FBXO40: variants seen among roughly 807,000 people sequenced by gnomAD.
FBXO40 encodes F-box protein 40, also known as F-box only protein 40.
In FBXO40, 50 loss-of-function variants were observed where a neutral mutation model predicts 49.9. The ratio of observed to expected loss-of-function variants is 1.00; its 90% confidence interval spans 0.80 to 1.27. FBXO40 has a LOEUF of 1.27. Ranked by LOEUF, FBXO40 falls within the 50% of genes most tolerant of loss-of-function variation. FBXO40 has a pLI of 0.00. For synonymous variants in FBXO40, 340 were observed against 320.2 expected (o/e 1.06, Z -0.66); for missense variants, 895 against 870.1 (o/e 1.03, Z -0.36).
chr3:121,624,008 G>C lies in FBXO40; in HGVS notation c.1914+665G>C, dbSNP rs543226838. ...TGGCCTTTTTTTTTTTTTTTTTTCT[G>C]AGATGGAGTTTTGCTCTTGTTGCCC... On this transcript the variant is annotated intron_variant, in intron 3 of 3. Coordinates refer to ENST00000338040, the MANE Select transcript of FBXO40 (RefSeq NM_016298.4). Among the ~76,000 whole-genome samples the C allele has an allele frequency of 4.2e-5, 3 of 71,826 alleles. No individual in the cohort carries two copies. The South Asian group carries it at 1.1e-3, about 27-fold the overall frequency. 47.1% of individuals were successfully genotyped at this position (71,826 alleles called of 152,430 possible).
At chr3:121,603,322 G>A in intron 1 of FBXO40, among the ~76,000 whole-genome samples, 1 of 152,228 alleles carries the variant, frequency 6.6e-6, no homozygotes, top group East Asian at 1.9e-4. Context: ...TCCTCAGCAA[G>A]AGGAGGAGCA....
rs547251674 is a variant in FBXO40, at chr3:121,628,169, C to CT, written c.*1272dup. ...TATTGACATTTTTAAATGGATAATT[C>CT]TTTTTTTTTTTTTCTAGGTGGGGAG... On this transcript the variant is annotated 3_prime_UTR_variant, in exon 4 of 4. Coordinates refer to ENST00000338040, the MANE Select transcript of FBXO40 (RefSeq NM_016298.4). 0.25 allele frequency: 66,445 copies of CT among 266,816 alleles called. 4,673 individuals carry two copies. Among genetic ancestry groups the CT allele is most frequent in the Non-Finnish European group, 0.28 (40,623 of 145,488 alleles). 16.5% of individuals were successfully genotyped at this position (266,816 alleles called of 1,614,324 possible). A position where few individuals can be genotyped will look rare whatever the true frequency, so the allele number is the denominator to read the frequency against.
At chr3:121,597,627 C>T (rs1190749555) in intron 1 of FBXO40, among the ~76,000 whole-genome samples, 1 of 149,022 alleles carries the variant, frequency 6.7e-6, no homozygotes, top group Non-Finnish European at 1.5e-5. Context: ...TCATTGGATC[C>T]TTGTGCAACC....
At chr3:121,609,015 C>T (rs1255989282) in intron 1 of FBXO40, among the ~76,000 whole-genome samples, 1 of 152,144 alleles carries the variant, frequency 6.6e-6, no homozygotes, top group African/African-American at 2.4e-5. Context: ...TAGAACCTCA[C>T]ATACAGACTT....
At chr3:121,624,148 G>A (rs1388549091) in intron 3 of FBXO40, among the ~76,000 whole-genome samples, 6 of 145,394 alleles carry the variant, frequency 4.1e-5, no homozygotes, top group Non-Finnish European at 7.5e-5. Flanking sequence ...GCACCAACAC[G>A]CCAGGCTAAT....
rs759230547 is a variant in FBXO40 at position 121,621,921 on chromosome 3, C to A, written c.492C>A (p.Thr164=). 3.1e-6 allele frequency: 5 copies of A among 1,614,146 alleles called. No individual in the cohort carries two copies. The South Asian group carries it at 3.3e-5, about 11-fold the overall frequency. Reference sequence around the variant, plus strand: ...AGGAACCAACTATGAATGGTGAAACCAGTGTGGAGGAAATGGGAGGAGCAG... The same window carrying A: ...AGGAACCAACTATGAATGGTGAAACAAGTGTGGAGGAAATGGGAGGAGCAG... ...TEEEPTMNGE[T]SVEEMGGAVG... The change falls in exon 3 of 4, where the codon ACC becomes ACA. Residue 164 remains threonine (T), a synonymous_variant. Transcript: ENST00000338040.
Position 121,621,473 on chromosome 3 carries a change from G to A in FBXO40, c.44G>A (p.Cys15Tyr). 6.2e-7 allele frequency: 1 copy of A among 1,614,180 alleles called. No homozygotes were observed. Among genetic ancestry groups the A allele is most frequent in the Non-Finnish European group, 8.5e-7 (1 of 1,180,008 alleles). ...RRSPPGHHRH[C>Y]EGCFNRHCHI... Reference sequence around the variant, plus strand: ...TCCCCGCCAGGGCACCACAGGCATTGTGAGGGATGCTTCAACCGCCACTGC... The same window carrying A: ...TCCCCGCCAGGGCACCACAGGCATTATGAGGGATGCTTCAACCGCCACTGC... The change falls in exon 3 of 4, where the codon TGT becomes TAT. Residue 15 changes from cysteine to tyrosine, a missense_variant. By Grantham distance (194) the Cys-to-Tyr change is radical (BLOSUM62 -2). Coordinates refer to ENST00000338040, the MANE Select transcript of FBXO40 (RefSeq NM_016298.4).
At chr3:121,598,286 T>C (rs942392805) in intron 1 of FBXO40, among the ~76,000 whole-genome samples, 2 of 152,202 alleles carry the variant, frequency 1.3e-5, no homozygotes, top group African/African-American at 2.4e-5. Context: ...CATGGCCTCA[T>C]GGGCCAAGAG....
At chr3:121,594,872 A>G (rs1405920396) in intron 1 of FBXO40, among the ~76,000 whole-genome samples, 3 of 152,296 alleles carry the variant, frequency 2.0e-5, no homozygotes, top group Middle Eastern at 3.4e-3. Flanking sequence ...TAAAATGACT[A>G]ATGATACTTG....
chr3:121,610,952 G>C (rs1312262883), intron 1 of FBXO40, among the ~76,000 whole-genome samples: 2 of 152,214 alleles, frequency 1.3e-5, no homozygotes, highest in African/African-American at 4.8e-5. Context: ...AGGAACTGCT[G>C]TACCTCCTAC....
At chr3:121,605,497 A>T (rs2048927608) in intron 1 of FBXO40, among the ~76,000 whole-genome samples, 1 of 152,216 alleles carries the variant, frequency 6.6e-6, no homozygotes, top group Non-Finnish European at 1.5e-5. Context: ...TTGTCAAGGC[A>T]TCAAGGGAGT....
In FBXO40 at chr3:121,621,730, C is replaced by T. The variant is rs748396801; in HGVS notation, c.301C>T (p.Arg101Cys). 3.8e-5 allele frequency: 62 copies of T among 1,614,100 alleles called. No homozygotes were observed. The highest frequency in any genetic ancestry group is 3.3e-4 in the Middle Eastern group (2 of 6,084). Residue 101 changes from arginine (R) to cysteine (C), a missense_variant, in exon 3 of 4, where the codon CGC becomes TGC. By Grantham distance (180) the Arg-to-Cys change is radical. Transcript: ENST00000338040. Reference protein sequence around the residue: ...SVVCCSMEWNRWPNVDSETTL... With the variant: ...SVVCCSMEWNCWPNVDSETTL... ...GGTCTGCTGCTCCATGGAGTGGAAC[C>T]GCTGGCCAAATGTGGACTCTGAAAC...
At chr3:121,600,385 A>C (rs531951268) in intron 1 of FBXO40, among the ~76,000 whole-genome samples, 5 of 151,928 alleles carry the variant, frequency 3.3e-5, no homozygotes, top group Admixed American at 2.0e-4. Flanking sequence ...TTTCACAGTT[A>C]TATCCTCTGA....
chr3:121,621,820 C>T lies in FBXO40; in HGVS notation c.391C>T (p.Leu131=), dbSNP rs1278471377. ...SEECLDTALA[L]QDQKVLFRSL... ...GGAGTGTTTGGACACAGCCCTGGCC[C>T]TGCAGGATCAGAAGGTCCTCTTCAG... The change falls in exon 3 of 4, where the codon CTG becomes TTG. Residue 131 remains leucine, a synonymous_variant. Coordinates refer to ENST00000338040, the MANE Select transcript of FBXO40 (RefSeq NM_016298.4). 5.0e-6 allele frequency: 8 copies of T among 1,614,206 alleles called. No homozygotes were observed. The East Asian group carries it at 1.8e-4, about 36-fold the overall frequency.
intron 1 of FBXO40, among the ~76,000 whole-genome samples, chr3:121,602,130 T>C (rs766278662): frequency 1.3e-5 from 2 of 152,244 alleles, no homozygotes; most frequent in Non-Finnish European, 2.9e-5. Flanking sequence ...TGTGACAACA[T>C]AGTCCTGACT....
At chr3:121,598,467 C>A (rs1327438496) in intron 1 of FBXO40, among the ~76,000 whole-genome samples, 2 of 152,200 alleles carry the variant, frequency 1.3e-5, no homozygotes, top group African/African-American at 4.8e-5. Flanking sequence ...TAGCAGTCAA[C>A]ATAATATGAT....
chr3:121,613,029 C>T (rs1204551491), intron 1 of FBXO40, among the ~76,000 whole-genome samples: 9 of 149,292 alleles, frequency 6.0e-5, no homozygotes, highest in Non-Finnish European at 1.0e-4. Flanking sequence ...GAGATCCAGC[C>T]ACTGCACTCC....
intron 1 of FBXO40, among the ~76,000 whole-genome samples, chr3:121,594,992 T>C (rs2048863973): frequency 6.6e-6 from 1 of 152,202 alleles, no homozygotes; most frequent in Non-Finnish European, 1.5e-5. Context: ...TTTATTTTCT[T>C]GTTTTTCACT....
chr3:121,602,394 C>A (rs962221909), intron 1 of FBXO40, among the ~76,000 whole-genome samples: 1 of 152,200 alleles, frequency 6.6e-6, no homozygotes, highest in African/African-American at 2.4e-5. Flanking sequence ...CCCATCTCTC[C>A]TCCCCAAATT....
Sources: allele counts gnomAD v4.1 joint callset (sites outside exome capture counted in the v4.1 genomes callset), GRCh38; gene constraint gnomAD v4.1.1; transcripts MANE v1.5; gene names NCBI Gene and HGNC (gene_info 2026-07-23, HGNC 2026-07-21).